Variants in CACNB2 observed in about 807,000 individuals in gnomAD.
The protein encoded by CACNB2 is calcium voltage-gated channel auxiliary subunit beta 2.
CACNB2 carries 42 observed loss-of-function variants against 73.3 expected under a neutral mutation model. The observed-to-expected ratio is 0.57, with a 90% CI of 0.45 to 0.74. The LOEUF (loss-of-function observed/expected upper bound fraction) is 0.74, where lower values mean the gene tolerates loss of function less well. Among genes scored for constraint, CACNB2 ranks in the 30% least tolerant of loss-of-function variants. The pLI is 0.00. For missense variants in CACNB2, 940 were observed against 853.0 expected (o/e 1.10, Z -1.27); for synonymous variants, 348 against 310.3 (o/e 1.12, Z -1.28).
intron 2 of CACNB2, among the ~76,000 whole-genome samples, chr10:18,398,307 A>T (rs1184189340): frequency 1.3e-5 from 2 of 152,130 alleles, no homozygotes; most frequent in Non-Finnish European, 2.9e-5. Flanking sequence ...TTTGGATGGG[A>T]GACTTTCAGG....
chr10:18,337,563 G>A (rs532343436), intron 2 of CACNB2, among the ~76,000 whole-genome samples: 64 of 152,118 alleles, frequency 4.2e-4, no homozygotes, highest in African/African-American at 1.5e-3. Context: ...AATTATTTCA[G>A]AATACAAAGA....
At chr10:18,519,872 T>G (rs77728096) in intron 9 of CACNB2, 4,495 of 388,914 alleles carry the variant, frequency 0.012, 147 homozygotes, top group Admixed American at 0.07. Context: ...TTTTCAGCCC[T>G]AATCTTACTT....
intron 2 of CACNB2, among the ~76,000 whole-genome samples, chr10:18,288,871 C>T (rs762429764): frequency 2.6e-5 from 4 of 152,108 alleles, no homozygotes; most frequent in African/African-American, 4.8e-5. Flanking sequence ...ACGGTGAAAC[C>T]CTGTCTCTGC....
chr10:18,524,190 C>A (rs2052206948), intron 9 of CACNB2, among the ~76,000 whole-genome samples: 1 of 151,896 alleles, frequency 6.6e-6, no homozygotes, highest in African/African-American at 2.4e-5. Context: ...AGGAAAGCTA[C>A]CTGGGATAAA....
intron 1 of CACNB2, among the ~76,000 whole-genome samples, chr10:18,145,558 C>G (rs983063492): frequency 1.3e-5 from 2 of 151,996 alleles, no homozygotes; most frequent in South Asian, 4.1e-4. Context: ...TTTTCTCTCT[C>G]TTTTTATGTG....
rs117440406 is a variant in CACNB2, at chr10:18,198,952, A to G, written c.213+47977A>G. Among the ~76,000 whole-genome samples, 1,357 of 152,340 alleles carry G rather than the reference A, an allele frequency of 8.9e-3. 5 individuals are homozygous for G. The highest frequency in any genetic ancestry group is 0.013 in the Non-Finnish European group (913 of 68,026). ...GGCATTCAACTTAGATTGTTTTGCAATGTTGGATAATGTCTCATTTAAATT... is the reference window on the plus strand; with the variant it reads ...GGCATTCAACTTAGATTGTTTTGCAGTGTTGGATAATGTCTCATTTAAATT... On this transcript the variant is annotated intron_variant, in intron 2 of 13. Transcript: ENST00000324631.
chr10:18,184,739 G>A (rs1013459954), intron 2 of CACNB2, among the ~76,000 whole-genome samples: 6 of 139,486 alleles, frequency 4.3e-5, no homozygotes, highest in African/African-American at 1.6e-4. Flanking sequence ...TCAATTTTAA[G>A]TTCTAGGATA....
chr10:18,161,895 C>T (rs2032493922), intron 2 of CACNB2, among the ~76,000 whole-genome samples: 1 of 152,038 alleles, frequency 6.6e-6, no homozygotes, highest in Non-Finnish European at 1.5e-5. Flanking sequence ...CACCACTGCA[C>T]TCCAGCCTGG....
rs1212825506 is a variant in CACNB2 at position 18,260,399 on chromosome 10, G to C, written c.213+109424G>C. On this transcript the variant is annotated intron_variant, in intron 2 of 13. Coordinates refer to ENST00000324631, the MANE Select transcript of CACNB2 (RefSeq NM_201596.3). ...TGAGTCGGATCAAATTCGCCTTCCA[G>C]AGTTATGTTTATTTAACATGCTTTA... 7.1e-6 allele frequency: 7 copies of C among 983,028 alleles called. No homozygotes were observed. The South Asian group carries it at 1.9e-4, about 26-fold the overall frequency. The allele number at this position is 983,028 out of a possible 1,614,324, so 60.9% of individuals were successfully genotyped here.
chr10:18,472,016 C>G (rs188859255), intron 3 of CACNB2, among the ~76,000 whole-genome samples: 1 of 152,050 alleles, frequency 6.6e-6, no homozygotes, highest in Non-Finnish European at 1.5e-5. Flanking sequence ...CCGTATCTCC[C>G]TTTTTCATTA....
At chr10:18,383,063 A>G (rs1030863322) in intron 2 of CACNB2, among the ~76,000 whole-genome samples, 3 of 152,102 alleles carry the variant, frequency 2.0e-5, no homozygotes, top group African/African-American at 7.2e-5. Context: ...TATGCATGTT[A>G]TATTATATGT....
chr10:18,227,147 G>A (rs1011213168), intron 2 of CACNB2, among the ~76,000 whole-genome samples: 3 of 152,134 alleles, frequency 2.0e-5, no homozygotes, highest in Non-Finnish European at 4.4e-5. Context: ...TATCGTAATG[G>A]GGTCAGTAGC....
chr10:18,200,862 A>G (rs147152621), intron 2 of CACNB2, among the ~76,000 whole-genome samples: 43 of 152,300 alleles, frequency 2.8e-4, no homozygotes, highest in African/African-American at 8.7e-4. Flanking sequence ...TAATGCCCAC[A>G]TATCTGAAGG....
At chr10:18,521,967 G>A (rs1201754185) in intron 9 of CACNB2, among the ~76,000 whole-genome samples, 2 of 152,176 alleles carry the variant, frequency 1.3e-5, no homozygotes, top group African/African-American at 4.8e-5. Context: ...GTGAGTGGCA[G>A]GGGAGTGTGC....
In CACNB2 at chr10:18,539,745, T is replaced by C. The variant is rs759183780; in HGVS notation, c.*21T>C. On this transcript the variant is annotated 3_prime_UTR_variant, in exon 14 of 14. Coordinates refer to ENST00000324631, the MANE Select transcript of CACNB2 (RefSeq NM_201596.3). ...AATGAGTTTTGCCCGTTTGTGTTTT[T>C]TTTTTTTTTTTTTTGAAGTCTTGTA... 50 of 1,518,766 alleles carry C rather than the reference T, an allele frequency of 3.3e-5. No homozygotes were observed. Among genetic ancestry groups the C allele is most frequent in the Admixed American group, 6.1e-5 (3 of 49,468 alleles). The allele number at this position is 1,518,766 out of a possible 1,614,324, so 94.1% of individuals were successfully genotyped here. A position where few individuals can be genotyped will look rare whatever the true frequency, so the allele number is the denominator to read the frequency against.
chr10:18,449,789 GC>G (rs1381855994), intron 3 of CACNB2, among the ~76,000 whole-genome samples: 4 of 152,216 alleles, frequency 2.6e-5, no homozygotes, highest in Non-Finnish European at 4.4e-5. Flanking sequence ...TATCCCAGGG[GC>G]TGCACTGCAT....
chr10:18,540,118 C>T lies in CACNB2; in HGVS notation c.*394C>T, dbSNP rs181764698. 2.9e-4 allele frequency: 59 copies of T among 200,260 alleles called. No individual in the cohort carries two copies. The highest frequency in any genetic ancestry group is 9.9e-4 in the African/African-American group (42 of 42,522). 12.4% of individuals were successfully genotyped at this position (200,260 alleles called of 1,614,324 possible). ...TTCTTGTTTCTCCAGATTTTTAATA[C>T]GTTAATACGCAGGCATCTGATTTGC... is the stretch of plus-strand genomic sequence containing the variant. On this transcript the variant is annotated 3_prime_UTR_variant, in exon 14 of 14. Transcript: ENST00000324631.
rs886038827 is a variant in CACNB2, at chr10:18,527,652, A to G, written c.1009A>G (p.Ser337Gly). Residue 337 changes from serine to glycine, a missense_variant, in exon 10 of 14, where the codon AGT becomes GGT. By Grantham distance (56) the Ser-to-Gly change is moderately conservative. Coordinates refer to ENST00000324631, the MANE Select transcript of CACNB2 (RefSeq NM_201596.3). ...LAKRSVLNNPSKHAIIERSNT... is the reference protein window; with the variant it reads ...LAKRSVLNNPGKHAIIERSNT... Reference sequence around the variant, plus strand: ...CAAACGCTCGGTATTAAACAATCCCAGTAAGCACGCAATAATAGAAAGATC... The same window carrying G: ...CAAACGCTCGGTATTAAACAATCCCGGTAAGCACGCAATAATAGAAAGATC... The G allele has an allele frequency of 6.2e-7, 1 of 1,614,002 alleles. No individual in the cohort carries two copies. The highest frequency in any genetic ancestry group is 8.5e-7 in the Non-Finnish European group (1 of 1,179,894).
chr10:18,375,177 A>C (rs1183294240), intron 2 of CACNB2, among the ~76,000 whole-genome samples: 1 of 152,052 alleles, frequency 6.6e-6, no homozygotes, highest in African/African-American at 2.4e-5. Context: ...ATACCACTGC[A>C]CTCAGCCTGA....
Sources: allele counts gnomAD v4.1 joint callset (sites outside exome capture counted in the v4.1 genomes callset), GRCh38; gene constraint gnomAD v4.1.1; transcripts MANE v1.5; gene names NCBI Gene and HGNC (gene_info 2026-07-23, HGNC 2026-07-21).